Variants in BABAM2 observed in about 807,000 individuals in gnomAD.
The protein encoded by BABAM2 is BRISC and BRCA1 A complex member 2.
BABAM2 carries 31 observed loss-of-function variants against 54.7 expected under a neutral mutation model. The observed-to-expected ratio is 0.57, with a 90% CI of 0.43 to 0.77. The LOEUF (loss-of-function observed/expected upper bound fraction) is 0.77, where lower values mean the gene tolerates loss of function less well. Among genes scored for constraint, BABAM2 ranks in the 30% least tolerant of loss-of-function variants. BABAM2 has a pLI of 0.00. For synonymous variants in BABAM2, 167 were observed against 162.9 expected, an observed-to-expected ratio of 1.03 and a Z score of -0.19; for missense variants, 364 against 455.8, an observed-to-expected ratio of 0.80 and a Z score of 1.83.
intron 3 of BABAM2, 181 bp downstream of exon 3, chr2:27,930,089 G>A: frequency 1.8e-6 from 1 of 569,590 alleles, no homozygotes; most frequent in Non-Finnish European, 3.0e-6. Context: ...GCAGTTGGCA[G>A]GGAATACGTT....
intron 10 of BABAM2, among the ~76,000 whole-genome samples, chr2:28,288,389 G>A (rs993742428): frequency 1.3e-5 from 2 of 148,704 alleles, no homozygotes; most frequent in African/African-American, 2.5e-5. Context: ...GCAATGGCGT[G>A]ATCTCACCTC....
At chr2:28,108,533 C>T (rs969426539) in intron 6 of BABAM2, among the ~76,000 whole-genome samples, 1 of 152,160 alleles carries the variant, frequency 6.6e-6, no homozygotes, top group African/African-American at 2.4e-5. Flanking sequence ...TAAAGTCTGA[C>T]TGAATTTATG....
At chr2:28,287,513 G>A (rs1419926887) in intron 10 of BABAM2, among the ~76,000 whole-genome samples, 2 of 152,098 alleles carry the variant, frequency 1.3e-5, no homozygotes, top group African/African-American at 4.8e-5. Context: ...ACTACCTACC[G>A]TGTGTCTAAC....
intron 4 of BABAM2, among the ~76,000 whole-genome samples, chr2:27,998,445 A>G (rs565461601): frequency 2.0e-5 from 3 of 151,990 alleles, no homozygotes; most frequent in Non-Finnish European, 4.4e-5. Flanking sequence ...CCTATGCCAC[A>G]TGGACATACG....
chr2:27,955,099 C>G (rs1463178612), intron 3 of BABAM2, among the ~76,000 whole-genome samples: 1 of 152,218 alleles, frequency 6.6e-6, no homozygotes, highest in East Asian at 1.9e-4. Flanking sequence ...AGAAATGTAA[C>G]TCTTCCTACA....
chr2:27,937,038 A>G (rs925043310), intron 3 of BABAM2, among the ~76,000 whole-genome samples: 2 of 152,220 alleles, frequency 1.3e-5, no homozygotes, highest in Non-Finnish European at 2.9e-5. Context: ...AGACTATAGT[A>G]TAGTAAATAT....
intron 10 of BABAM2, among the ~76,000 whole-genome samples, chr2:28,272,186 A>G (rs996767686): frequency 2.0e-5 from 3 of 152,258 alleles, no homozygotes; most frequent in Non-Finnish European, 2.9e-5. Context: ...GCAACAATGA[A>G]GGTCTGTGAC....
At chr2:28,116,885 G>A (rs1462566158) in intron 6 of BABAM2, among the ~76,000 whole-genome samples, 1 of 152,164 alleles carries the variant, frequency 6.6e-6, no homozygotes, top group African/African-American at 2.4e-5. Flanking sequence ...TGATCTCTTT[G>A]ACAAAAATTT....
intron 10 of BABAM2, among the ~76,000 whole-genome samples, chr2:28,248,713 T>G (rs1683139773): frequency 6.6e-6 from 1 of 152,194 alleles, no homozygotes; most frequent in Non-Finnish European, 1.5e-5. Context: ...TATTGAGATT[T>G]GTGACTGTAT....
chr2:27,980,453 G>A lies in BABAM2; in HGVS notation c.206-7540G>A, dbSNP rs193247430. Reference sequence around the variant, plus strand: ...AGGTGTCCAGTATGCACATCTGTGCGTTGTGGGTTTTTAATAAATGTTCTT... The same window carrying A: ...AGGTGTCCAGTATGCACATCTGTGCATTGTGGGTTTTTAATAAATGTTCTT... On this transcript the variant is annotated intron_variant, in intron 3 of 11. Transcript: ENST00000379624. Among the ~76,000 whole-genome samples, 384 of 152,238 alleles carry A rather than the reference G, an allele frequency of 2.5e-3. 1 individual carries two copies. The highest frequency in any genetic ancestry group is 2.3e-3 in the Non-Finnish European group (155 of 68,010).
intron 6 of BABAM2, among the ~76,000 whole-genome samples, chr2:28,079,345 T>C (rs1245516805): frequency 6.6e-6 from 1 of 152,142 alleles, no homozygotes; most frequent in Non-Finnish European, 1.5e-5. Flanking sequence ...CTATTTCATC[T>C]AAGGGAAAAA....
At chr2:27,927,838 G>GTTTTTTTTTTTTTTTTTTTT (rs376186465) in intron 2 of BABAM2, among the ~76,000 whole-genome samples, 1 of 135,768 alleles carries the variant, frequency 7.4e-6, no homozygotes, top group Non-Finnish European at 1.5e-5. Context: ...TAAAGTTTCT[G>GTTTTTTTTTTTTTTTTTTTT]TTTTTTTTTT....
intron 5 of BABAM2, among the ~76,000 whole-genome samples, chr2:28,034,029 T>C (rs1676484907): frequency 6.6e-6 from 1 of 152,208 alleles, no homozygotes; most frequent in African/African-American, 2.4e-5. Flanking sequence ...GGCTTATCCA[T>C]TAAGCTCTGG....
At chr2:28,273,369 T>C (rs1198901673) in intron 10 of BABAM2, among the ~76,000 whole-genome samples, 1 of 152,218 alleles carries the variant, frequency 6.6e-6, no homozygotes, top group African/African-American at 2.4e-5. Context: ...CCTGTTCCAC[T>C]GTTCAATCTG....
intron 5 of BABAM2, among the ~76,000 whole-genome samples, chr2:28,040,291 A>ATTTT (rs1204898070): frequency 8.2e-5 from 8 of 97,224 alleles, no homozygotes; most frequent in South Asian, 4.6e-4. Flanking sequence ...GAAAAACTGA[A>ATTTT]TTCTTTTTTT....
chr2:28,079,224 G>A (rs963642031), intron 6 of BABAM2, among the ~76,000 whole-genome samples: 1 of 152,124 alleles, frequency 6.6e-6, no homozygotes, highest in Non-Finnish European at 1.5e-5. Context: ...GGGGTAGTAG[G>A]TAAGGGGATG....
Position 28,025,366 on chromosome 2 carries a change from G to A in BABAM2, c.441G>A (p.Glu147=), listed in dbSNP as rs777671679. 1.6e-5 allele frequency: 26 copies of A among 1,609,894 alleles called. No homozygotes were observed. In the South Asian group the frequency reaches 1.9e-4, roughly 12 times the overall value. The change falls in exon 5 of 12, where the codon GAG becomes GAA. Residue 147 remains glutamate, a synonymous_variant. Coordinates refer to ENST00000379624, the MANE Select transcript of BABAM2 (RefSeq NM_199191.3). ...RLMFEYQTLL[E]EPQYGENMEI... is the part of the protein sequence containing the mutation. The stretch of plus-strand genomic sequence containing the variant: ...TGTTTGAATACCAGACATTACTGGA[G>A]GAGCCACAGTATGGAGAGAACATGG...
chr2:28,076,620 C>T (rs1394738435), intron 6 of BABAM2, among the ~76,000 whole-genome samples: 3 of 152,016 alleles, frequency 2.0e-5, no homozygotes, highest in South Asian at 2.1e-4. Flanking sequence ...CTCAGCCTCC[C>T]GAGTAGCTGG....
intron 5 of BABAM2, chr2:28,025,628 A>G: frequency 2.0e-6 from 1 of 488,874 alleles, no homozygotes; most frequent in Admixed American, 4.1e-5. Flanking sequence ...AGTTTGTAAG[A>G]TTCAGAGTCT....
Sources: allele counts gnomAD v4.1 joint callset (sites outside exome capture counted in the v4.1 genomes callset), GRCh38; gene constraint gnomAD v4.1.1; transcripts MANE v1.5; gene names NCBI Gene and HGNC (gene_info 2026-07-23, HGNC 2026-07-21).